The following CPED1 variants were observed in gnomAD, a reference collection of about 807,000 sequenced individuals.
CPED1 encodes cadherin like and PC-esterase domain containing 1, also known as cadherin-like and PC-esterase domain-containing protein 1.
A neutral mutation model predicts 128.2 loss-of-function variants in CPED1; 114 were observed. The observed-to-expected ratio is 0.89, with a 90% confidence interval of 0.76 to 1.04. The LOEUF is 1.04. Among genes scored for constraint, CPED1 ranks in the 50% least tolerant of loss-of-function variants. CPED1 has a pLI of 0.00. For missense variants in CPED1, 1,211 were observed against 1,207.1 expected, an observed-to-expected ratio of 1.00 and a Z score of -0.05; for synonymous variants, 462 against 426.7, an observed-to-expected ratio of 1.08 and a Z score of -1.02.
chr7:121,047,650 T>TTCC (rs1427707716), intron 4 of CPED1, among the ~76,000 whole-genome samples: 17 of 3,002 alleles, frequency 5.7e-3, no homozygotes, highest in Admixed American at 0.01. Context: ...AGCACCTTTC[T>TTCC]TCTTCTTCTT....
chr7:121,158,644 A>G (rs1385193292), intron 16 of CPED1, among the ~76,000 whole-genome samples: 1 of 151,876 alleles, frequency 6.6e-6, no homozygotes, highest in Non-Finnish European at 1.5e-5. Context: ...GTGTATCATG[A>G]TTGGAAAAGA....
intron 22 of CPED1, among the ~76,000 whole-genome samples, chr7:121,293,668 G>C (rs1324010469): frequency 6.6e-6 from 1 of 152,170 alleles, no homozygotes; most frequent in Non-Finnish European, 1.5e-5. Flanking sequence ...TGGTCTGCGG[G>C]TTGCGAAGAC....
At position 121,124,461 on chromosome 7, in the gene CPED1, A is replaced by C. The variant is rs200186503; in HGVS notation, c.1049A>C (p.Lys350Thr). 307 of 1,525,990 alleles carry C rather than the reference A, an allele frequency of 2.0e-4. 2 individuals carry two copies. The highest frequency in any genetic ancestry group is 7.1e-4 in the Middle Eastern group (4 of 5,638). 94.5% of individuals were successfully genotyped at this position (1,525,990 alleles called of 1,614,324 possible). Residue 350 changes from lysine (K) to threonine (T), a missense_variant, in exon 8 of 23, where the codon AAG (lysine) becomes ACG (threonine). By Grantham distance (78) the Lys-to-Thr change is moderately conservative. Transcript: ENST00000310396. ...AGTGAAACATCTACTCTGGGACCAA[A>C]GACCTTCCATAGGTAAAAAACAAAT... ...VFSETSTLGP[K>T]TFHRCRFCFQ... is the part of the protein sequence containing the mutation.
At chr7:121,097,320 T>A (rs1329581130) in intron 5 of CPED1, among the ~76,000 whole-genome samples, 1 of 152,170 alleles carries the variant, frequency 6.6e-6, no homozygotes, top group Non-Finnish European at 1.5e-5. Context: ...GTTTTCTATG[T>A]AATATTCTCA....
intron 16 of CPED1, among the ~76,000 whole-genome samples, chr7:121,235,870 TA>T (rs1274025808): frequency 6.6e-6 from 1 of 152,082 alleles, no homozygotes; most frequent in African/African-American, 2.4e-5. Flanking sequence ...AGACCTAAAA[TA>T]TAAGATGTCT....
At position 121,283,477 on chromosome 7, in the gene CPED1, A is replaced by G. The variant is rs189549283; in HGVS notation, c.2869-11963A>G. 4.3e-4 allele frequency among the ~76,000 whole-genome samples: 66 copies of G among 152,374 alleles called. 1 individual carries two copies. Among genetic ancestry groups the G allele is most frequent in the Non-Finnish European group, 8.8e-4 (60 of 68,038 alleles). On this transcript the variant is annotated intron_variant, in intron 22 of 22. Coordinates refer to ENST00000310396, the MANE Select transcript of CPED1 (RefSeq NM_024913.5). ...TTAACTAAAATGTATTGAGCATGCA[A>G]TGCATTCCAGCTCCTGTGCTAAGCT...
chr7:121,054,287 C>T (rs1397971094), intron 4 of CPED1, among the ~76,000 whole-genome samples: 2 of 152,202 alleles, frequency 1.3e-5, no homozygotes, highest in Non-Finnish European at 2.9e-5. Context: ...TGCCATCCAA[C>T]ACCACAAGGT....
chr7:121,067,563 G>A (rs538409611), intron 5 of CPED1, among the ~76,000 whole-genome samples: 111 of 152,154 alleles, frequency 7.3e-4, no homozygotes, highest in African/African-American at 2.3e-3. Context: ...GAATAGTGCC[G>A]CAAAAAACAT....
chr7:121,089,155 C>T (rs1279529311), intron 5 of CPED1, among the ~76,000 whole-genome samples: 1 of 152,132 alleles, frequency 6.6e-6, no homozygotes, highest in African/African-American at 2.4e-5. Context: ...TTTAGTAATC[C>T]TATCAGAACA....
chr7:121,289,470 T>G (rs1476637510), intron 22 of CPED1, among the ~76,000 whole-genome samples: 1 of 152,186 alleles, frequency 6.6e-6, no homozygotes, highest in Non-Finnish European at 1.5e-5. Flanking sequence ...TATAGATCTT[T>G]ACAGATTTCC....
rs377528126 is a variant in CPED1 at position 120,989,370 on chromosome 7, G to T, written c.-231-21G>T. The T allele has an allele frequency of 4.6e-4, 222 of 481,886 alleles. 3 individuals carry two copies. The East Asian group carries it at 7.8e-3, about 17-fold the overall frequency. 29.9% of individuals were successfully genotyped at this position (481,886 alleles called of 1,614,324 possible). ...TTATTCGTTACAACTATTATTATTT[G>T]ATGTCTTTTTTTAAACTCAGGTCAT... is the stretch of plus-strand genomic sequence containing the variant. On this transcript the variant is annotated intron_variant, in intron 1 of 22. Transcript: ENST00000310396.
intron 16 of CPED1, among the ~76,000 whole-genome samples, chr7:121,228,726 A>G (rs1798074556): frequency 6.6e-6 from 1 of 152,102 alleles, no homozygotes; most frequent in Non-Finnish European, 1.5e-5. Flanking sequence ...AATAGCAAAG[A>G]TATGAAATCA....
intron 16 of CPED1, among the ~76,000 whole-genome samples, chr7:121,213,072 T>C (rs1797682152): frequency 1.3e-5 from 2 of 152,032 alleles, no homozygotes; most frequent in African/African-American, 4.8e-5. Context: ...TGGTTATGTT[T>C]AAAGATGCCA....
At chr7:121,223,824 T>C (rs1797941334) in intron 16 of CPED1, among the ~76,000 whole-genome samples, 1 of 152,128 alleles carries the variant, frequency 6.6e-6, no homozygotes, top group Non-Finnish European at 1.5e-5. Flanking sequence ...TCATTTTTTA[T>C]TGTGTCTATT....
intron 22 of CPED1, among the ~76,000 whole-genome samples, chr7:121,293,600 C>T (rs1307377269): frequency 6.6e-6 from 1 of 152,158 alleles, no homozygotes; most frequent in Non-Finnish European, 1.5e-5. Flanking sequence ...CAAATGGCTG[C>T]CCCATTTTGT....
At chr7:121,254,412 G>A (rs1161831871) in intron 18 of CPED1, among the ~76,000 whole-genome samples, 2 of 152,004 alleles carry the variant, frequency 1.3e-5, no homozygotes, top group Non-Finnish European at 2.9e-5. Flanking sequence ...CTAAAGTTGT[G>A]TTAAGAGGAC....
chr7:121,105,933 C>A (rs1457054979), intron 7 of CPED1, among the ~76,000 whole-genome samples: 1 of 152,094 alleles, frequency 6.6e-6, no homozygotes, highest in African/African-American at 2.4e-5. Context: ...GAAAACTATT[C>A]ATTAATGATG....
chr7:121,038,233 T>C (rs1440662827), intron 3 of CPED1, among the ~76,000 whole-genome samples: 1 of 152,052 alleles, frequency 6.6e-6, no homozygotes. Flanking sequence ...GGGGGAATGC[T>C]TTCAACTTTT....
intron 16 of CPED1, among the ~76,000 whole-genome samples, chr7:121,224,573 A>C (rs994613239): frequency 6.6e-6 from 1 of 152,124 alleles, no homozygotes; most frequent in Non-Finnish European, 1.5e-5. Flanking sequence ...AAAGTCTCCC[A>C]TTATAATGGT....
Sources: allele counts gnomAD v4.1 joint callset (sites outside exome capture counted in the v4.1 genomes callset), GRCh38; gene constraint gnomAD v4.1.1; transcripts MANE v1.5; gene names NCBI Gene and HGNC (gene_info 2026-07-23, HGNC 2026-07-21).